NTF3: variants seen among roughly 807,000 people sequenced by gnomAD.
The protein encoded by NTF3 is neurotrophin 3.
A neutral mutation model predicts 26.3 loss-of-function variants in NTF3; 8 were observed. The observed-to-expected ratio is 0.30, with a 90% CI of 0.18 to 0.55. The LOEUF is 0.55. Among genes scored for constraint, NTF3 ranks in the 20% least tolerant of loss-of-function variants. The pLI, the probability that NTF3 is intolerant of heterozygous loss-of-function variation, is 0.93. For synonymous variants in NTF3, 154 were observed against 145.5 expected (o/e 1.06, Z -0.42); for missense variants, 276 against 352.9 (o/e 0.78, Z 1.75).
intron 1 of NTF3, among the ~76,000 whole-genome samples, chr12:5,467,123 G>C (rs531465681): frequency 6.6e-6 from 1 of 150,478 alleles, no homozygotes; most frequent in African/African-American, 2.4e-5. Context: ...CCAGCTACTC[G>C]GGAGGCTGAG....
At chr12:5,491,971 C>T (rs566040056) in intron 1 of NTF3, among the ~76,000 whole-genome samples, 275 of 152,194 alleles carry the variant, frequency 1.8e-3, no homozygotes, top group African/African-American at 6.4e-3. Flanking sequence ...ACCTCGGCCT[C>T]CCAAAGTGCT....
At chr12:5,462,460 TTAAG>T (rs1258645968) in intron 1 of NTF3, among the ~76,000 whole-genome samples, 1 of 152,184 alleles carries the variant, frequency 6.6e-6, no homozygotes, top group African/African-American at 2.4e-5. Context: ...GAGGTAAGGA[TTAAG>T]TAAGATAATA....
intron 1 of NTF3, among the ~76,000 whole-genome samples, chr12:5,470,075 C>T (rs1403690682): frequency 6.6e-6 from 1 of 152,180 alleles, no homozygotes; most frequent in African/African-American, 2.4e-5. Context: ...CAGGTGCCCG[C>T]CACCATGCCT....
chr12:5,483,073 T>C (rs914840639), intron 1 of NTF3, among the ~76,000 whole-genome samples: 4 of 151,680 alleles, frequency 2.6e-5, no homozygotes, highest in Non-Finnish European at 4.4e-5. Flanking sequence ...TGTCTCTTTG[T>C]TCTCTATCCC....
chr12:5,491,948 T>C (rs2121257429), intron 1 of NTF3, among the ~76,000 whole-genome samples: 1 of 152,038 alleles, frequency 6.6e-6, no homozygotes, highest in South Asian at 2.1e-4. Flanking sequence ...TCTCCTGACC[T>C]CGTGATCCAC....
chr12:5,494,495 G>A lies in NTF3; in HGVS notation c.320G>A (p.Arg107Gln), dbSNP rs368124638. Residue 107 changes from arginine (R) to glutamine (Q), a missense_variant, in exon 2 of 2, where the codon CGA becomes CAA. Arg to Gln is a conservative substitution (Grantham distance 43, BLOSUM62 1). Transcript: ENST00000423158. This position sits in a 1 kb window ranked among gnomAD's most constrained non-coding sequence, Gnocchi z 8.3. ...ATTGCAATGGACACCGAACTGCTGC[G>A]ACAACAGAGACGCTACAACTCACCG... ...PVIAMDTELLRQQRRYNSPRV... is the reference protein window; with the variant it reads ...PVIAMDTELLQQQRRYNSPRV... 1 of 1,613,838 alleles carries A rather than the reference G, an allele frequency of 6.2e-7. No homozygotes were observed. Among genetic ancestry groups the A allele is most frequent in the Non-Finnish European group, 8.5e-7 (1 of 1,180,030 alleles).
intron 1 of NTF3, among the ~76,000 whole-genome samples, chr12:5,451,616 C>A (rs540162395): frequency 6.6e-6 from 1 of 152,266 alleles, no homozygotes; most frequent in South Asian, 2.1e-4. Context: ...GACATTCTTT[C>A]TCTGTGTGTG....
At chr12:5,450,656 G>A (rs1053666057) in intron 1 of NTF3, among the ~76,000 whole-genome samples, 18 of 152,156 alleles carry the variant, frequency 1.2e-4, no homozygotes, top group African/African-American at 2.7e-4. Flanking sequence ...CCCTCTGTAC[G>A]TGATCTCAGG....
rs145181203 is a variant in NTF3 at position 5,489,924 on chromosome 12, G to A, written c.19-4270G>A. On this transcript the variant is annotated intron_variant, in intron 1 of 1. Coordinates refer to ENST00000423158, the MANE Select transcript of NTF3 (RefSeq NM_001102654.2). ...TTGCTCTCTTTTGAGTATTTTGAGG[G>A]ATGGTGAAACCTTGTAGGAATGTTG... is the stretch of plus-strand genomic sequence containing the variant. 8.8e-3 allele frequency among the ~76,000 whole-genome samples: 1,336 copies of A among 152,318 alleles called. 77 individuals carry two copies. Among genetic ancestry groups the A allele is most frequent in the Admixed American group, 0.072 (1,107 of 15,300 alleles).
chr12:5,481,978 GAC>G (rs1190419809), intron 1 of NTF3, among the ~76,000 whole-genome samples: 4 of 151,050 alleles, frequency 2.6e-5, no homozygotes, highest in African/African-American at 4.9e-5. Flanking sequence ...CAGAGAAACA[GAC>G]ACACTCGCAG....
At chr12:5,464,445 A>C (rs556728938) in intron 1 of NTF3, among the ~76,000 whole-genome samples, 1 of 152,338 alleles carries the variant, frequency 6.6e-6, no homozygotes, top group Admixed American at 6.5e-5. Context: ...CTCAACATAC[A>C]AAGAGGTTGT....
In NTF3 at chr12:5,471,940, T is replaced by G. The variant is rs1023919473; in HGVS notation, c.19-22254T>G. ...GCGAGTCTCATGCAGAGATGTCTTA[T>G]GTTCAACATAGAAAGCAAGCCTGGC... On this transcript the variant is annotated intron_variant, in intron 1 of 1. Coordinates refer to ENST00000423158, the MANE Select transcript of NTF3 (RefSeq NM_001102654.2). 2.0e-5 allele frequency among the ~76,000 whole-genome samples: 3 copies of G among 152,296 alleles called. No homozygotes were observed. In the South Asian group the frequency reaches 6.2e-4, roughly 32 times the overall value.
At chr12:5,475,187 T>C (rs1940707147) in intron 1 of NTF3, among the ~76,000 whole-genome samples, 1 of 151,962 alleles carries the variant, frequency 6.6e-6, no homozygotes, top group African/African-American at 2.4e-5. Flanking sequence ...GAGAAGAATA[T>C]GGAAAGAATG....
chr12:5,484,993 C>T (rs544077108), intron 1 of NTF3, among the ~76,000 whole-genome samples: 1 of 152,294 alleles, frequency 6.6e-6, no homozygotes, highest in East Asian at 1.9e-4. Flanking sequence ...TCTGTGAAAA[C>T]AAAAGAATCA....
chr12:5,434,317 C>T (rs1422601240), intron 1 of NTF3, among the ~76,000 whole-genome samples: 1 of 152,186 alleles, frequency 6.6e-6, no homozygotes, highest in East Asian at 1.9e-4. Flanking sequence ...GGGGTATTTC[C>T]CCTAGGGAGA....
upstream of NTF3, among the ~76,000 whole-genome samples, chr12:5,431,921 A>G (rs1229352886): frequency 2.7e-5 from 4 of 149,486 alleles, no homozygotes; most frequent in Admixed American, 2.7e-4. Context: ...AGGGGCCAGG[A>G]GAAATGACCC....
chr12:5,466,167 T>C lies in NTF3; in HGVS notation c.19-28027T>C, dbSNP rs181294142. On this transcript the variant is annotated intron_variant, in intron 1 of 1. Coordinates refer to ENST00000423158, the MANE Select transcript of NTF3 (RefSeq NM_001102654.2). Reference sequence around the variant, plus strand: ...GTCTTCAGGCTGAGCTGCCTCCACCTTGTCATCTCATCAGAGCTTTACATC... The same window carrying C: ...GTCTTCAGGCTGAGCTGCCTCCACCCTGTCATCTCATCAGAGCTTTACATC... 8.7e-3 allele frequency among the ~76,000 whole-genome samples: 1,318 copies of C among 152,290 alleles called. 8 individuals are homozygous for C. The highest frequency in any genetic ancestry group is 0.013 in the Non-Finnish European group (894 of 68,008).
intron 1 of NTF3, among the ~76,000 whole-genome samples, chr12:5,488,729 G>T (rs576293099): frequency 6.6e-6 from 1 of 152,118 alleles, no homozygotes; most frequent in South Asian, 2.1e-4. Context: ...AGACATTAGG[G>T]TTATCTGGCA....
At chr12:5,461,671 G>T (rs1940528228) in intron 1 of NTF3, among the ~76,000 whole-genome samples, 1 of 151,970 alleles carries the variant, frequency 6.6e-6, no homozygotes. Flanking sequence ...ACAGCCCTCT[G>T]TCAATAATGA....
Sources: allele counts gnomAD v4.1 joint callset (sites outside exome capture counted in the v4.1 genomes callset), GRCh38; gene constraint gnomAD v4.1.1; non-coding constraint Gnocchi (gnomAD v3.1); transcripts MANE v1.5; gene names NCBI Gene and HGNC (gene_info 2026-07-23, HGNC 2026-07-21).